PLA2G4E: variants seen among roughly 807,000 people sequenced by gnomAD.
PLA2G4E encodes cytosolic phospholipase A2 epsilon.
In PLA2G4E, 84 loss-of-function variants were observed where a neutral mutation model predicts 109.1. That is an observed-to-expected ratio of 0.77 (90% confidence interval 0.65 to 0.92). PLA2G4E has a LOEUF of 0.92. PLA2G4E is among the 40% of genes least tolerant of loss of function. The probability of loss-of-function intolerance (pLI) is 0.00; values close to 1 mark genes in which losing one functional copy is unlikely to be tolerated. For synonymous variants in PLA2G4E, 469 were observed against 436.1 expected (o/e 1.08, Z -0.94); for missense variants, 1,057 against 1,076.6 (o/e 0.98, Z 0.25).
intron 1 of PLA2G4E, among the ~76,000 whole-genome samples, chr15:42,034,730 T>TAGGA (rs1889178362): frequency 6.6e-6 from 1 of 152,182 alleles, no homozygotes; most frequent in African/African-American, 2.4e-5. Flanking sequence ...GGTGGCCATC[T>TAGGA]TTGTCACCAT....
rs748793494 is a variant in PLA2G4E, at chr15:41,983,944, T to G, written c.2417A>C (p.Gln806Pro). The G allele has an allele frequency of 4.3e-6, 7 of 1,611,452 alleles. No homozygotes were observed. Among genetic ancestry groups the G allele is most frequent in the Non-Finnish European group, 5.9e-6 (7 of 1,178,916 alleles). The change falls in exon 20 of 20, where the codon CAG (glutamine) becomes CCG (proline). Residue 806 changes from glutamine (Q) to proline (P), a missense_variant. By Grantham distance (76) the Gln-to-Pro change is moderately conservative (BLOSUM62 -1). Coordinates refer to ENST00000399518, the Ensembl canonical transcript of PLA2G4E. ...GGGACCATAAATGTCCACCTGGCCC[T>G]GCTCCAGCTCCTCAGGGCTTCGCTC...
exon 20 of PLA2G4E, chr15:41,983,503 AC>A (rs2068090660): frequency 6.1e-6 from 3 of 494,318 alleles, no homozygotes; most frequent in African/African-American, 5.7e-5. Flanking sequence ...TGGCTATGAG[AC>A]CACCTTCTCT....
At chr15:42,013,601 A>C (rs2068559637) in intron 2 of PLA2G4E, 84 bp downstream of exon 2, 1 of 1,346,372 alleles carries the variant, frequency 7.4e-7, no homozygotes, top group Admixed American at 2.0e-5. Context: ...ACACACACGG[A>C]TCCACCTGAC....
intron 1 of PLA2G4E, among the ~76,000 whole-genome samples, chr15:42,027,368 C>T (rs1340452180): frequency 6.6e-6 from 1 of 152,052 alleles, no homozygotes; most frequent in East Asian, 1.9e-4. Flanking sequence ...CTGGAAGGGG[C>T]CCCCCAGGGA....
At chr15:42,007,094 T>G (rs1310606489) in intron 3 of PLA2G4E, among the ~76,000 whole-genome samples, 1 of 152,140 alleles carries the variant, frequency 6.6e-6, no homozygotes, top group South Asian at 2.1e-4. Flanking sequence ...GGCAGTAAGG[T>G]GGAGCTGTCA....
intron 3 of PLA2G4E, chr15:42,006,351 C>T (rs2068476850): frequency 2.4e-6 from 1 of 417,356 alleles, no homozygotes; most frequent in Non-Finnish European, 4.3e-6. Context: ...TCTGTTCTCA[C>T]TTTCCTGCTA....
rs557872434 is a variant in PLA2G4E, at chr15:42,011,823, A to G, written c.256+1862T>C. 3.3e-5 allele frequency among the ~76,000 whole-genome samples: 5 copies of G among 152,346 alleles called. No individual in the cohort carries two copies. The East Asian group carries it at 9.6e-4, about 29-fold the overall frequency. The stretch of plus-strand genomic sequence containing the variant: ...GATATGTGGGAGCTGGGTTGTCCCA[A>G]GGATGAGGGTGAACTCTGCCCAAGA... On this transcript the variant is annotated intron_variant, in intron 2 of 19. Transcript: ENST00000399518.
At chr15:42,031,175 C>T (rs1889107055) in intron 1 of PLA2G4E, among the ~76,000 whole-genome samples, 4 of 152,038 alleles carry the variant, frequency 2.6e-5, no homozygotes, top group East Asian at 1.9e-4. Context: ...CACTATGTTG[C>T]CCACGCTGGT....
At chr15:42,042,708 A>G (rs1389741749) in intron 1 of PLA2G4E, among the ~76,000 whole-genome samples, 2 of 152,208 alleles carry the variant, frequency 1.3e-5, no homozygotes, top group East Asian at 1.9e-4. Flanking sequence ...AAGAGCTGGG[A>G]AGCCCTTTCT....
At chr15:41,983,708 C>T (rs990377724) in exon 20 of PLA2G4E, 11 of 1,508,350 alleles carry the variant, frequency 7.3e-6, no homozygotes, top group Non-Finnish European at 7.2e-6. Flanking sequence ...GGTCCTGCAC[C>T]TCTGATGGTA....
exon 17 of PLA2G4E, chr15:41,987,318 G>A (rs1187801676): frequency 1.5e-5 from 24 of 1,613,850 alleles, no homozygotes; most frequent in African/African-American, 2.7e-5. Flanking sequence ...GATCACTACC[G>A]TGGTCTCCAG....
chr15:42,004,233 T>G (rs1277593273), intron 5 of PLA2G4E, among the ~76,000 whole-genome samples: 1 of 151,170 alleles, frequency 6.6e-6, no homozygotes, highest in East Asian at 1.9e-4. Flanking sequence ...ATCCAGGAGG[T>G]GGAGGTTGCA....
chr15:42,002,859 G>A (rs918601455), intron 5 of PLA2G4E, among the ~76,000 whole-genome samples, 163 bp from the exon 6 acceptor site: 1 of 152,180 alleles, frequency 6.6e-6, no homozygotes, highest in Non-Finnish European at 1.5e-5. Flanking sequence ...AGGTTGTCAG[G>A]GAGGAAACTG....
At position 42,025,403 on chromosome 15, in the gene PLA2G4E, C is replaced by T. The variant is rs531779533; in HGVS notation, c.184-11646G>A. ...GAGAGTTTATCAGAGGCTTGGACTG[C>T]TTCTGTGTCTCTTTGTTGTGCTTAT... On this transcript the variant is annotated intron_variant, in intron 1 of 19. Coordinates refer to ENST00000399518, the Ensembl canonical transcript of PLA2G4E. Among the ~76,000 whole-genome samples, 22 of 152,110 alleles carry T rather than the reference C, an allele frequency of 1.4e-4. No individual in the cohort carries two copies. In the South Asian group the frequency reaches 4.0e-3, roughly 27 times the overall value.
At chr15:42,043,347 T>C (rs1889351014) in intron 1 of PLA2G4E, among the ~76,000 whole-genome samples, 1 of 151,074 alleles carries the variant, frequency 6.6e-6, no homozygotes, top group African/African-American at 2.4e-5. Context: ...CCTGGCCTAG[T>C]GAGGGAAATA....
At chr15:42,036,506 G>C (rs1022681619) in intron 1 of PLA2G4E, among the ~76,000 whole-genome samples, 8 of 152,118 alleles carry the variant, frequency 5.3e-5, no homozygotes, top group Non-Finnish European at 2.9e-5. Flanking sequence ...CCTGTGCCTC[G>C]GGTGGAGGCT....
intron 3 of PLA2G4E, 92 bp downstream of exon 3, chr15:42,007,637 G>A: frequency 7.0e-7 from 1 of 1,429,312 alleles, no homozygotes; most frequent in African/African-American, 1.4e-5. Context: ...AAACAAAGAG[G>A]CATAAGAACA....
rs771794934 is a variant in PLA2G4E, at chr15:42,010,135, C to CCCG, written c.257-2271_257-2270insCGG. The CCCG allele has an allele frequency of 2.4e-5, 11 of 467,744 alleles. 1 individual carries two copies. The highest frequency in any genetic ancestry group is 4.6e-5 in the African/African-American group (2 of 43,666). The allele number at this position is 467,744 out of a possible 1,614,324, so 29.0% of individuals were successfully genotyped here. On this transcript the variant is annotated intron_variant, in intron 2 of 19. Coordinates refer to ENST00000399518, the Ensembl canonical transcript of PLA2G4E. Reference sequence around the variant, plus strand: ...CCTTGGCTTTTCCAGAACACTGGCCCCCCCACCCCGGGCCTGGACCACACC... The same window carrying CCCG: ...CCTTGGCTTTTCCAGAACACTGGCCCCCGCCCCACCCCGGGCCTGGACCACACC...
intron 1 of PLA2G4E, among the ~76,000 whole-genome samples, chr15:42,023,835 C>T (rs767981608): frequency 2.6e-5 from 4 of 152,166 alleles, no homozygotes; most frequent in Non-Finnish European, 4.4e-5. Context: ...AGCAGGGTCT[C>T]AACTCATTTT....
Sources: allele counts gnomAD v4.1 joint callset (sites outside exome capture counted in the v4.1 genomes callset), GRCh38; gene constraint gnomAD v4.1.1; transcripts MANE v1.5; gene names NCBI Gene and HGNC (gene_info 2026-07-23, HGNC 2026-07-21).